The following CUX1 variants were observed in gnomAD, a reference collection of about 807,000 sequenced individuals.
The protein encoded by CUX1 is cut like homeobox 1.
CUX1 carries 31 observed loss-of-function variants against 158.8 expected under a neutral mutation model. The observed-to-expected ratio is 0.20, with a 90% CI of 0.15 to 0.26. CUX1 has a LOEUF of 0.26. CUX1 is among the 10% of genes least tolerant of loss of function. The probability of loss-of-function intolerance (pLI) is 1.00; values close to 1 mark genes in which losing one functional copy is unlikely to be tolerated. For synonymous variants in CUX1, 879 were observed against 862.1 expected (o/e 1.02, Z -0.34); for missense variants, 1,589 against 2,014.6 (o/e 0.79, Z 4.04).
intron 2 of CUX1, among the ~76,000 whole-genome samples, chr7:102,023,214 C>G (rs1163223845): frequency 6.6e-6 from 1 of 152,060 alleles, no homozygotes; most frequent in Non-Finnish European, 1.5e-5. Context: ...GACTCCATCC[C>G]CCTCCCCGCA....
At chr7:101,829,768 G>A (rs1199386642) in intron 1 of CUX1, among the ~76,000 whole-genome samples, 1 of 152,296 alleles carries the variant, frequency 6.6e-6, no homozygotes, top group East Asian at 1.9e-4. Flanking sequence ...ACTCAGCCCC[G>A]CAGAGAAGGG....
chr7:102,013,695 C>T (rs987665834), intron 2 of CUX1, among the ~76,000 whole-genome samples: 6 of 152,134 alleles, frequency 3.9e-5, no homozygotes, highest in Non-Finnish European at 8.8e-5. Context: ...CATATGCAAA[C>T]GCTTCTCATT....
At chr7:102,124,544 A>T (rs570735903) in intron 8 of CUX1, among the ~76,000 whole-genome samples, 11 of 152,332 alleles carry the variant, frequency 7.2e-5, no homozygotes, top group African/African-American at 2.2e-4. Flanking sequence ...ACGTGGATTC[A>T]TCTGGGGGAT....
chr7:101,990,644 T>C (rs1478376229), intron 2 of CUX1, among the ~76,000 whole-genome samples: 1 of 152,132 alleles, frequency 6.6e-6, no homozygotes, highest in Admixed American at 6.5e-5. Context: ...CCCAAAGTGC[T>C]GGGATTACAG....
intron 1 of CUX1, among the ~76,000 whole-genome samples, chr7:101,838,348 T>A (rs957476692): frequency 1.3e-5 from 2 of 150,572 alleles, no homozygotes; most frequent in Non-Finnish European, 3.0e-5. Flanking sequence ...TAGGCTGGTC[T>A]TGAACTCCTG....
chr7:101,948,043 C>G (rs1246382237), intron 2 of CUX1, among the ~76,000 whole-genome samples: 1 of 152,178 alleles, frequency 6.6e-6, no homozygotes, highest in African/African-American at 2.4e-5. Context: ...CTGCCGAGTT[C>G]CCTGCCCCCG....
chr7:101,911,050 C>CACCAGCGTCACGAGATG (rs1484123310), intron 1 of CUX1, among the ~76,000 whole-genome samples: 18 of 152,416 alleles, frequency 1.2e-4, no homozygotes, highest in Admixed American at 1.0e-3. Flanking sequence ...CCCAGCTGTA[C>CACCAGCGTCACGAGATG]ACCAGCGTCA....
rs529049435 is a variant in CUX1 at position 102,253,148 on chromosome 7, A to G, written c.*4106A>G. 4.5e-5 allele frequency: 44 copies of G among 985,538 alleles called. No individual in the cohort carries two copies. The highest frequency in any genetic ancestry group is 4.9e-5 in the Non-Finnish European group (41 of 830,002). 61.0% of individuals were successfully genotyped at this position (985,538 alleles called of 1,614,324 possible). ...CGCCATCTTTGTTTTCTTCCCATTGAAAAACCATCCTGTCTGATGTGGACG... is the reference window on the plus strand; with the variant it reads ...CGCCATCTTTGTTTTCTTCCCATTGGAAAACCATCCTGTCTGATGTGGACG... On this transcript the variant is annotated 3_prime_UTR_variant, in exon 24 of 24. Coordinates refer to ENST00000292535, the MANE Select transcript of CUX1 (RefSeq NM_181552.4).
intron 15 of CUX1, among the ~76,000 whole-genome samples, chr7:102,197,922 C>A (rs1032140098): frequency 6.6e-6 from 1 of 152,110 alleles, no homozygotes; most frequent in Non-Finnish European, 1.5e-5. Context: ...CTACCCCACC[C>A]TCCGTAAAAA....
At chr7:101,939,055 ATACATATATATATATATATATATATATAT>A (rs1563035861) in intron 2 of CUX1, among the ~76,000 whole-genome samples, 2 of 77,488 alleles carry the variant, frequency 2.6e-5, no homozygotes, top group Non-Finnish European at 4.5e-5. Flanking sequence ...AAAAAAAAAA[ATACATATATATATATATATATATATATAT>A]ATATATATAT....
chr7:102,227,509 G>A lies in CUX1; in HGVS notation c.3273G>A (p.Glu1091=), dbSNP rs1554529014. The change falls in exon 21 of 24, where the codon GAG becomes GAA. Residue 1091 remains glutamate (E), a synonymous_variant. Transcript: ENST00000292535. ...IEASKDSKPP[E]PSDPPASDSQ... is the part of the protein sequence containing the mutation. ...CGAGCAAGGACAGCAAGCCACCAGA[G>A]CCCAGTGACCCGCCAGCATCCGACT... The A allele has an allele frequency of 6.2e-7, 1 of 1,614,058 alleles. No individual in the cohort carries two copies. Among genetic ancestry groups the A allele is most frequent in the Non-Finnish European group, 8.5e-7 (1 of 1,180,024 alleles).
chr7:101,892,885 G>T (rs893656691), intron 1 of CUX1, among the ~76,000 whole-genome samples: 1 of 152,060 alleles, frequency 6.6e-6, no homozygotes, highest in African/African-American at 2.4e-5. Context: ...TAGGGAAAAC[G>T]TTTCCAGAAA....
intron 1 of CUX1, among the ~76,000 whole-genome samples, chr7:101,818,285 A>G (rs1181722205): frequency 2.0e-5 from 3 of 152,202 alleles, no homozygotes; most frequent in Non-Finnish European, 4.4e-5. Context: ...GCTCCCTTTT[A>G]CCATAATTTA....
intron 8 of CUX1, among the ~76,000 whole-genome samples, chr7:102,132,312 C>T (rs1182940969): frequency 0.33 from 104 of 320 alleles, 2 homozygotes; most frequent in Admixed American, 0.4. Context: ...TGTGTGTGCG[C>T]GCGCGCGCGC....
chr7:101,944,752 T>C (rs924639377), intron 2 of CUX1, among the ~76,000 whole-genome samples: 17 of 152,290 alleles, frequency 1.1e-4, no homozygotes, highest in African/African-American at 3.6e-4. Context: ...TGGTTGGTGC[T>C]TTTCCTCCTG....
chr7:101,817,523 G>A, upstream of CUX1: 1 of 1,206,340 alleles, frequency 8.3e-7, no homozygotes. This position sits in a 1 kb window ranked among gnomAD's most constrained non-coding sequence, Gnocchi z 4.1. Context: ...GTGCCCAAGG[G>A]GCGAGTGCCT....
At chr7:102,158,509 CT>C (rs1554505979) in intron 8 of CUX1, 50 bp from the exon 9 acceptor site, 1 of 1,593,940 alleles carries the variant, frequency 6.3e-7, no homozygotes, top group African/African-American at 1.3e-5. Flanking sequence ...CAGTCACCCC[CT>C]GAGCCGGTCT....
At chr7:101,970,680 C>G (rs1054401814) in intron 2 of CUX1, among the ~76,000 whole-genome samples, 4 of 152,136 alleles carry the variant, frequency 2.6e-5, no homozygotes, top group Non-Finnish European at 4.4e-5. Context: ...CTCAGCCCCT[C>G]GAGTAGCTGG....
chr7:102,155,649 A>G (rs970652543), intron 8 of CUX1, among the ~76,000 whole-genome samples: 3 of 151,952 alleles, frequency 2.0e-5, no homozygotes, highest in African/African-American at 7.3e-5. Context: ...GAATTCTTCA[A>G]CAGGGCGTCA....
Sources: allele counts gnomAD v4.1 joint callset (sites outside exome capture counted in the v4.1 genomes callset), GRCh38; gene constraint gnomAD v4.1.1; non-coding constraint Gnocchi (gnomAD v3.1); transcripts MANE v1.5; gene names NCBI Gene and HGNC (gene_info 2026-07-23, HGNC 2026-07-21).